The following CRACD variants were observed in gnomAD, a reference collection of about 807,000 sequenced individuals.
CRACD encodes the protein capping protein inhibiting regulator of actin dynamics, also known as capping protein-inhibiting regulator of actin dynamics.
In CRACD, 56 loss-of-function variants were observed where a neutral mutation model predicts 106.8. The ratio of observed to expected loss-of-function variants is 0.52; its 90% CI spans 0.42 to 0.66. CRACD has a LOEUF of 0.66. CRACD is among the 30% of genes least tolerant of loss of function. The probability of loss-of-function intolerance (pLI) is 0.00; values close to 1 mark genes in which losing one functional copy is unlikely to be tolerated. For synonymous variants in CRACD, 754 were observed against 670.8 expected (o/e 1.12, Z -1.92); for missense variants, 1,730 against 1,623.2 (o/e 1.07, Z -1.13).
At chr4:56,207,903 C>T (rs1019036621) in intron 2 of CRACD, among the ~76,000 whole-genome samples, 1 of 150,880 alleles carries the variant, frequency 6.6e-6, no homozygotes, top group Admixed American at 6.6e-5. Flanking sequence ...CTCACTGCTG[C>T]CTTGACCTCC....
At chr4:56,180,266 C>A (rs565674251) in intron 2 of CRACD, among the ~76,000 whole-genome samples, 1 of 151,804 alleles carries the variant, frequency 6.6e-6, no homozygotes, top group African/African-American at 2.4e-5. Flanking sequence ...CCGAGGTGGG[C>A]GAATCACAAG....
intron 2 of CRACD, among the ~76,000 whole-genome samples, chr4:56,253,961 T>C (rs758351590): frequency 1.3e-5 from 2 of 152,154 alleles, no homozygotes; most frequent in Non-Finnish European, 2.9e-5. Flanking sequence ...AGGCAATACA[T>C]CAAGATATGG....
At chr4:56,295,282 T>C (rs949562993) in intron 3 of CRACD, among the ~76,000 whole-genome samples, 1 of 152,162 alleles carries the variant, frequency 6.6e-6, no homozygotes, top group African/African-American at 2.4e-5. Flanking sequence ...ATCAAAAAGA[T>C]TCTGATATTA....
At chr4:56,322,655 T>C (rs1169740429) in intron 8 of CRACD, among the ~76,000 whole-genome samples, 2 of 152,210 alleles carry the variant, frequency 1.3e-5, no homozygotes, top group East Asian at 3.8e-4. Context: ...CTTTTTCATC[T>C]TTCCAACATT....
intron 1 of CRACD, among the ~76,000 whole-genome samples, chr4:56,107,631 C>G (rs1444421079): frequency 1.3e-5 from 2 of 152,142 alleles, no homozygotes; most frequent in Admixed American, 6.5e-5. Context: ...ATGAGCTGTC[C>G]TTCTTTTCAA....
At chr4:56,229,672 T>G (rs1739503124) in intron 2 of CRACD, among the ~76,000 whole-genome samples, 1 of 152,216 alleles carries the variant, frequency 6.6e-6, no homozygotes, top group South Asian at 2.1e-4. Flanking sequence ...TCCTGATGCT[T>G]CTTAGCTGTT....
At chr4:56,276,024 TCTG>T (rs1742652863) in intron 3 of CRACD, among the ~76,000 whole-genome samples, 1 of 152,212 alleles carries the variant, frequency 6.6e-6, no homozygotes, top group Non-Finnish European at 1.5e-5. Context: ...TCCTTATTGA[TCTG>T]CTCCTTCTGC....
Position 56,316,524 on chromosome 4 carries a change from C to G in CRACD, c.3022C>G (p.Gln1008Glu). ...GCCAAGTGAGCCGTCCAAGGAGGAC[C>G]AGGAGAGCAGTGACCGCCGGCCACC... ...PEPSEPSKED[Q>E]ESSDRRPPSP... The change falls in exon 8 of 11, where the codon CAG becomes GAG. Residue 1008 changes from glutamine to glutamate, a missense_variant. Coordinates refer to ENST00000682029, the MANE Select transcript of CRACD (RefSeq NM_001393381.1). 3.7e-6 allele frequency: 6 copies of G among 1,613,712 alleles called. No individual in the cohort carries two copies. Among genetic ancestry groups the G allele is most frequent in the Non-Finnish European group, 4.2e-6 (5 of 1,179,770 alleles).
intron 1 of CRACD, among the ~76,000 whole-genome samples, chr4:56,097,807 A>G (rs1733644850): frequency 6.6e-6 from 1 of 152,122 alleles, no homozygotes; most frequent in Non-Finnish European, 1.5e-5. Context: ...AGAGAACAGG[A>G]TGGAATGATT....
intron 1 of CRACD, chr4:56,050,008 A>T (rs1731816182): frequency 2.0e-5 from 3 of 150,356 alleles, no homozygotes; most frequent in African/African-American, 4.9e-5. Flanking sequence ...AACCCTACGG[A>T]TACGGTGGGT....
chr4:56,320,555 G>A (rs999162281), intron 8 of CRACD, among the ~76,000 whole-genome samples: 3 of 152,110 alleles, frequency 2.0e-5, no homozygotes, highest in Non-Finnish European at 4.4e-5. Context: ...CGTCTCCTTC[G>A]GTGCTCACAG....
intron 3 of CRACD, among the ~76,000 whole-genome samples, chr4:56,273,353 C>T (rs1291886839): frequency 6.6e-6 from 1 of 150,546 alleles, no homozygotes; most frequent in African/African-American, 2.4e-5. Flanking sequence ...ACGTCCCTCC[C>T]TCCCTCCCTC....
intron 1 of CRACD, among the ~76,000 whole-genome samples, chr4:56,095,759 C>T (rs1733579161): frequency 6.6e-6 from 1 of 152,090 alleles, no homozygotes; most frequent in Admixed American, 6.6e-5. Context: ...TGATATAATC[C>T]AACTTATCGA....
At chr4:56,188,711 C>CAGAGAGAGAGAGAG (rs142124735) in intron 2 of CRACD, among the ~76,000 whole-genome samples, 2 of 113,106 alleles carry the variant, frequency 1.8e-5, no homozygotes, top group African/African-American at 7.8e-5. Flanking sequence ...CACACACACA[C>CAGAGAGAGAGAGAG]AGAGAGAGAG....
intron 1 of CRACD, among the ~76,000 whole-genome samples, chr4:56,149,769 A>G (rs529893986): frequency 1.3e-5 from 2 of 152,310 alleles, no homozygotes; most frequent in East Asian, 3.9e-4. Flanking sequence ...ATGTGTTGCT[A>G]TCTCAAGCCC....
chr4:56,168,294 G>GT (rs1159990975), intron 1 of CRACD, among the ~76,000 whole-genome samples: 5 of 150,114 alleles, frequency 3.3e-5, no homozygotes, highest in East Asian at 3.9e-4. Flanking sequence ...TTTGTTAAAT[G>GT]TTTTTTCTGA....
In CRACD at chr4:56,314,372, G is replaced by A. The variant is rs1425804494; in HGVS notation, c.870G>A (p.Glu290=). 3.2e-6 allele frequency: 5 copies of A among 1,546,832 alleles called. No individual in the cohort carries two copies. The highest frequency in any genetic ancestry group is 4.0e-5 in the Admixed American group (2 of 50,340). The change falls in exon 8 of 11, where the codon GAG becomes GAA. Residue 290 remains glutamate, a synonymous_variant. Transcript: ENST00000682029. This position sits in a 1 kb window ranked among gnomAD's most constrained non-coding sequence, Gnocchi z 4.4. ...AGGCGGAAAGGGCGCCGCGGGAAGA[G>A]CAGCAGCGGAGCCTGGAAGCGCCAG... ...PLEAERAPRE[E]QQRSLEAPGW...
intron 2 of CRACD, among the ~76,000 whole-genome samples, chr4:56,214,663 C>CAT (rs1269699152): frequency 1.3e-5 from 1 of 74,526 alleles, no homozygotes; most frequent in African/African-American, 4.7e-5. Context: ...CTCTCTCTCT[C>CAT]TCTCTCTCTC....
chr4:56,141,593 T>A (rs897139625), intron 1 of CRACD, among the ~76,000 whole-genome samples: 8 of 151,186 alleles, frequency 5.3e-5, no homozygotes, highest in African/African-American at 1.7e-4. Flanking sequence ...TGAGACTCTG[T>A]CTCAAAACTT....
Sources: allele counts gnomAD v4.1 joint callset (sites outside exome capture counted in the v4.1 genomes callset), GRCh38; gene constraint gnomAD v4.1.1; non-coding constraint Gnocchi (gnomAD v3.1); transcripts MANE v1.5; gene names NCBI Gene and HGNC (gene_info 2026-07-23, HGNC 2026-07-21).